Variants in ADGRE2 observed in about 807,000 individuals in gnomAD.
ADGRE2 encodes CD97 antigen.
ADGRE2 carries 83 observed loss-of-function variants against 100.8 expected under a neutral mutation model. The ratio of observed to expected loss-of-function variants is 0.82; its 90% CI spans 0.69 to 0.99. The LOEUF (loss-of-function observed/expected upper bound fraction) is 0.99, where lower values mean the gene tolerates loss of function less well. Among genes scored for constraint, ADGRE2 ranks in the 50% least tolerant of loss-of-function variants. The pLI is 0.00. For synonymous variants in ADGRE2, 355 were observed against 413.0 expected, an observed-to-expected ratio of 0.86 and a Z score of 1.70; for missense variants, 814 against 1,035.7, an observed-to-expected ratio of 0.79 and a Z score of 2.94.
chr19:14,752,512 C>T lies in ADGRE2; in HGVS notation c.1605G>A (p.Val535=). 6.2e-7 allele frequency: 1 copy of T among 1,614,098 alleles called. No individual in the cohort carries two copies. Among genetic ancestry groups the T allele is most frequent in the Non-Finnish European group, 8.5e-7 (1 of 1,179,994 alleles). Residue 535 remains valine (V), a synonymous_variant, in exon 15 of 21, where the codon GTG becomes GTA. Transcript: ENST00000315576. ...AHYDVQEEDP[V]LTVITYMGLS... is the part of the protein sequence containing the mutation. The stretch of plus-strand genomic sequence containing the variant: ...GCCCCATGTAGGTGATGACAGTCAG[C>T]ACGGGATCCTCCTCCTGGGACCCGG...
At chr19:14,775,860 G>GAAAAAAAAAAAAAAA (rs3057586) in intron 2 of ADGRE2, among the ~76,000 whole-genome samples, 8 of 107,914 alleles carry the variant, frequency 7.4e-5, no homozygotes, top group African/African-American at 2.2e-4. Flanking sequence ...CTCCGCCTCA[G>GAAAAAAAAAAAAAAA]AAAAAAAAAA....
At chr19:14,748,411 C>T (rs981164157) in intron 16 of ADGRE2, among the ~76,000 whole-genome samples, 3 of 152,136 alleles carry the variant, frequency 2.0e-5, no homozygotes, top group African/African-American at 4.8e-5. Context: ...CAGGTTCAAG[C>T]GATTCTTGTG....
At chr19:14,744,333 AG>A (rs1221553389) in intron 18 of ADGRE2, among the ~76,000 whole-genome samples, 2 of 152,234 alleles carry the variant, frequency 1.3e-5, no homozygotes, top group African/African-American at 2.4e-5. Context: ...CAATACAACC[AG>A]GCATGACACA....
At chr19:14,774,456 C>T (rs570374113) in intron 2 of ADGRE2, 150 bp from the exon 3 acceptor site, 1 of 1,420,424 alleles carries the variant, frequency 7.0e-7, no homozygotes, top group East Asian at 2.5e-5. Context: ...TGTCACGTCC[C>T]ACTCGGATGC....
At chr19:14,763,421 A>G (rs2043803354) in intron 11 of ADGRE2, among the ~76,000 whole-genome samples, 1 of 152,080 alleles carries the variant, frequency 6.6e-6, no homozygotes, top group South Asian at 2.1e-4. Context: ...AATGATATTA[A>G]TTTATAGTAT....
chr19:14,751,777 A>G, intron 15 of ADGRE2, 106 bp from the exon 16 acceptor site: 1 of 767,428 alleles, frequency 1.3e-6, no homozygotes, highest in South Asian at 1.8e-5. Flanking sequence ...ATTTGATGGC[A>G]TTATAGAGAA....
intron 20 of ADGRE2, chr19:14,742,127 T>C (rs1350892793): frequency 2.5e-6 from 1 of 398,524 alleles, no homozygotes; most frequent in Non-Finnish European, 4.4e-6. Flanking sequence ...TCATTGCTAA[T>C]GGTTAATGAG....
chr19:14,746,920 A>C lies in ADGRE2; in HGVS notation c.2067T>G (p.Leu689=). 6.2e-7 allele frequency: 1 copy of C among 1,613,948 alleles called. No individual in the cohort carries two copies. The highest frequency in any genetic ancestry group is 8.5e-7 in the Non-Finnish European group (1 of 1,179,970). The part of the protein sequence containing the change: ...QPEKGFIWGF[L]GPVCAIFSVN... The stretch of plus-strand genomic sequence containing the variant: ...CAGAGAAGATGGCGCAGACAGGTCC[A>C]AGGAAGCCCCATATAAATCCCTTTT... Residue 689 remains leucine (L), a synonymous_variant, in exon 17 of 21, where the codon CTT becomes CTG. Transcript: ENST00000315576.
In ADGRE2 at chr19:14,734,682, C is replaced by T. The variant is rs1176745328; in HGVS notation, c.*1554G>A. ...CCTTAGGTGATCTGACCACCTCAGCCTCCCAAAGTGCTGGGATTATAGGCG... is the reference window on the plus strand; with the variant it reads ...CCTTAGGTGATCTGACCACCTCAGCTTCCCAAAGTGCTGGGATTATAGGCG... On this transcript the variant is annotated 3_prime_UTR_variant, in exon 21 of 21. Coordinates refer to ENST00000315576, the MANE Select transcript of ADGRE2 (RefSeq NM_013447.4). The T allele has an allele frequency of 3.3e-5, 5 of 152,216 alleles. No homozygotes were observed. The East Asian group carries it at 7.7e-4, about 23-fold the overall frequency. The allele number at this position is 152,216 out of a possible 1,614,324, so 9.4% of individuals were successfully genotyped here. A position where few individuals can be genotyped will look rare whatever the true frequency, so the allele number is the denominator to read the frequency against.
intron 2 of ADGRE2, 175 bp downstream of exon 2, chr19:14,776,551 C>A (rs2044447047): frequency 4.1e-6 from 3 of 735,902 alleles, no homozygotes; most frequent in Non-Finnish European, 6.7e-6. Flanking sequence ...TGTGGGGGTG[C>A]CCAAGCACCA....
downstream of ADGRE2, among the ~76,000 whole-genome samples, chr19:14,727,960 C>T (rs12610974): frequency 0.32 from 49,012 of 151,854 alleles, 8,249 homozygotes; most frequent in Middle Eastern, 0.48. Context: ...CGGTGGCTCA[C>T]GCCTGTAATC....
At chr19:14,756,659 A>G (rs1396713857) in intron 11 of ADGRE2, among the ~76,000 whole-genome samples, 1 of 152,230 alleles carries the variant, frequency 6.6e-6, no homozygotes, top group Non-Finnish European at 1.5e-5. Context: ...TTCACTGGTG[A>G]GTTCTACCAA....
chr19:14,728,208 G>A (rs760935557), downstream of ADGRE2, among the ~76,000 whole-genome samples: 31 of 152,094 alleles, frequency 2.0e-4, no homozygotes, highest in Non-Finnish European at 3.1e-4. Context: ...GCGAGACTCC[G>A]TCTCAAAAAA....
chr19:14,724,747 CAA>C, the ADGRE2 span, among the ~76,000 whole-genome samples: 2 of 152,138 alleles, frequency 1.3e-5, no homozygotes, highest in African/African-American at 2.4e-5. Context: ...GCCTGGGCAA[CAA>C]GAGTGAAATT....
chr19:14,743,281 G>A lies in ADGRE2; in HGVS notation c.2463+139C>T. 3 of 713,062 alleles carry A rather than the reference G, an allele frequency of 4.2e-6. No homozygotes were observed. In the South Asian group the frequency reaches 4.9e-5, roughly 12 times the overall value. The allele number at this position is 713,062 out of a possible 1,614,324, so 44.2% of individuals were successfully genotyped here. On this transcript the variant is annotated intron_variant, in intron 20 of 20. Coordinates refer to ENST00000315576, the MANE Select transcript of ADGRE2 (RefSeq NM_013447.4). ...ATTTAAACTGAGATCATTGCTAATG[G>A]TTAATGAGTCAAGGCGTACTCAGAT...
At chr19:14,757,381 A>G (rs1423820821) in intron 11 of ADGRE2, among the ~76,000 whole-genome samples, 1 of 137,096 alleles carries the variant, frequency 7.3e-6, no homozygotes, top group Admixed American at 7.3e-5. Flanking sequence ...AGTTCATCTT[A>G]AAATTCATAT....
chr19:14,751,710 AT>A, intron 15 of ADGRE2, 39 bp from the exon 16 acceptor site: 1 of 1,493,564 alleles, frequency 6.7e-7, no homozygotes, highest in African/African-American at 1.4e-5. Flanking sequence ...CGGCGATCAG[AT>A]TTGAGTGTGG....
chr19:14,741,232 G>A (rs1000451106), intron 20 of ADGRE2, among the ~76,000 whole-genome samples: 2 of 151,664 alleles, frequency 1.3e-5, no homozygotes, highest in African/African-American at 2.4e-5. Flanking sequence ...GAGTAGCTGG[G>A]ATTATAGGTG....
At chr19:14,740,360 G>A (rs1247486117) in intron 20 of ADGRE2, among the ~76,000 whole-genome samples, 3 of 152,050 alleles carry the variant, frequency 2.0e-5, no homozygotes, top group African/African-American at 4.8e-5. Context: ...GGTGGCTCAC[G>A]CTTGTAATCC....
Sources: allele counts gnomAD v4.1 joint callset (sites outside exome capture counted in the v4.1 genomes callset), GRCh38; gene constraint gnomAD v4.1.1; transcripts MANE v1.5; gene names NCBI Gene and HGNC (gene_info 2026-07-23, HGNC 2026-07-21).